The following CDH12 variants were observed in gnomAD, a reference collection of about 807,000 sequenced individuals.
CDH12 encodes cadherin 12.
A neutral mutation model predicts 74.1 loss-of-function variants in CDH12; 41 were observed. That is an observed-to-expected ratio of 0.55 (90% CI 0.43 to 0.72). The LOEUF is 0.72. Ranked by LOEUF, CDH12 falls within the 30% of genes least tolerant of loss-of-function variation. CDH12 has a pLI of 0.00. For missense variants in CDH12, 945 were observed against 977.2 expected, an observed-to-expected ratio of 0.97 and a Z score of 0.44; for synonymous variants, 399 against 355.0, an observed-to-expected ratio of 1.12 and a Z score of -1.39.
Position 21,889,937 on chromosome 5 carries a change from G to A in CDH12, c.527-35147C>T, listed in dbSNP as rs371831663. 2.3e-5 allele frequency: 16 copies of A among 688,916 alleles called. No individual in the cohort carries two copies. In the East Asian group the frequency reaches 1.2e-3, roughly 52 times the overall value. 42.7% of individuals were successfully genotyped at this position (688,916 alleles called of 1,614,324 possible). A position where few individuals can be genotyped will look rare whatever the true frequency, so the allele number is the denominator to read the frequency against. On this transcript the variant is annotated intron_variant, in intron 6 of 14. Coordinates refer to ENST00000382254, the MANE Select transcript of CDH12 (RefSeq NM_004061.5). ...TGACTTTTATTGCTTACAGAATCAG[G>A]TAAAAAAACATCAGCTGTAGTCTAA...
chr5:22,317,415 C>A (rs1204779802), intron 3 of CDH12, among the ~76,000 whole-genome samples: 2 of 151,930 alleles, frequency 1.3e-5, no homozygotes, highest in African/African-American at 4.8e-5. Context: ...ATATATTATG[C>A]ACATATAAAC....
chr5:22,452,014 C>T (rs1745063482), intron 2 of CDH12, among the ~76,000 whole-genome samples: 2 of 151,608 alleles, frequency 1.3e-5, no homozygotes, highest in African/African-American at 2.4e-5. Flanking sequence ...TGCATTTAAC[C>T]AATGAGGTGA....
chr5:22,442,684 T>C (rs1241308541), intron 2 of CDH12, among the ~76,000 whole-genome samples: 3 of 152,012 alleles, frequency 2.0e-5, no homozygotes, highest in African/African-American at 7.2e-5. Context: ...GGAAAGATAG[T>C]TGAGAGGATG....
intron 1 of CDH12, among the ~76,000 whole-genome samples, chr5:22,614,336 G>A (rs74984874): frequency 0.024 from 3,611 of 152,168 alleles, 159 homozygotes; most frequent in East Asian, 0.14. Context: ...TGCACGCTCT[G>A]GGTAAATGCC....
chr5:21,920,667 T>TATAATAATAATAATAATAATA (rs149078574), intron 6 of CDH12, among the ~76,000 whole-genome samples: 32,458 of 145,268 alleles, frequency 0.22, 4,547 homozygotes, highest in Non-Finnish European at 0.29. Context: ...GAACTTAAAG[T>TATAATAATAATAATAATAATA]ATGATAATAA....
At position 22,736,461 on chromosome 5, in the gene CDH12, AT is replaced by A. The variant is rs1221472624; in HGVS notation, c.-523+116596del. Reference sequence around the variant, plus strand: ...TGCCTTTGCTTTTTTTAAGATTCAAATTTTTAACAAAAATATATGCTGTTAA... The same window carrying A: ...TGCCTTTGCTTTTTTTAAGATTCAAATTTTAACAAAAATATATGCTGTTAA... On this transcript the variant is annotated intron_variant, in intron 1 of 14. Coordinates refer to ENST00000382254, the MANE Select transcript of CDH12 (RefSeq NM_004061.5). 5.5e-4 allele frequency among the ~76,000 whole-genome samples: 84 copies of A among 151,854 alleles called. No individual in the cohort carries two copies. In the South Asian group the frequency reaches 0.017, roughly 31 times the overall value.
intron 2 of CDH12, among the ~76,000 whole-genome samples, chr5:22,411,257 T>C (rs1743158145): frequency 6.6e-6 from 1 of 152,030 alleles, no homozygotes; most frequent in Non-Finnish European, 1.5e-5. Context: ...AAATTCTATA[T>C]ACCAATGGAA....
intron 5 of CDH12, among the ~76,000 whole-genome samples, chr5:22,074,104 A>G (rs1345849618): frequency 2.6e-5 from 4 of 152,074 alleles, no homozygotes; most frequent in African/African-American, 9.7e-5. Flanking sequence ...TCCTCAGCCT[A>G]TGCAATGTGA....
intron 6 of CDH12, chr5:21,883,737 A>G: frequency 6.3e-7 from 1 of 1,588,328 alleles, no homozygotes. Context: ...TGTCACAACT[A>G]GTGAATATGA....
intron 1 of CDH12, among the ~76,000 whole-genome samples, chr5:22,676,766 T>G (rs751303390): frequency 1.3e-5 from 2 of 152,168 alleles, no homozygotes; most frequent in Non-Finnish European, 2.9e-5. Flanking sequence ...ATGTTTTATA[T>G]CACAGATTTA....
chr5:21,924,607 A>G (rs913930542), intron 6 of CDH12, among the ~76,000 whole-genome samples: 1 of 152,226 alleles, frequency 6.6e-6, no homozygotes, highest in Admixed American at 6.5e-5. Flanking sequence ...AGTTCTAGTA[A>G]GTCTCAAAAC....
intron 4 of CDH12, among the ~76,000 whole-genome samples, chr5:22,202,046 A>C (rs953142331): frequency 6.6e-6 from 1 of 152,104 alleles, no homozygotes; most frequent in Non-Finnish European, 1.5e-5. Flanking sequence ...GACGGTAAAG[A>C]GAGAAGACAT....
chr5:22,678,048 G>GA (rs1330799220), intron 1 of CDH12, among the ~76,000 whole-genome samples: 1 of 151,668 alleles, frequency 6.6e-6, no homozygotes, highest in East Asian at 1.9e-4. Context: ...TCCTCATGGG[G>GA]GGGGGGGTTA....
At chr5:22,811,138 C>A (rs1016567451) in intron 1 of CDH12, among the ~76,000 whole-genome samples, 11 of 151,210 alleles carry the variant, frequency 7.3e-5, no homozygotes, top group Non-Finnish European at 1.5e-4. Context: ...CACATATATG[C>A]TTCCAAATAT....
intron 4 of CDH12, among the ~76,000 whole-genome samples, chr5:22,147,589 T>TAAA (rs147619864): frequency 7.0e-6 from 1 of 142,690 alleles, no homozygotes; most frequent in Admixed American, 7.1e-5. Flanking sequence ...TAGTTTATCT[T>TAAA]AAAAAAAAAA....
intron 4 of CDH12, among the ~76,000 whole-genome samples, chr5:22,084,155 G>C (rs1451446901): frequency 6.6e-6 from 1 of 152,090 alleles, no homozygotes; most frequent in Non-Finnish European, 1.5e-5. Flanking sequence ...GCACTAAACA[G>C]GTCACCAGGT....
chr5:21,911,167 C>G (rs1396192706), intron 6 of CDH12, among the ~76,000 whole-genome samples: 1 of 152,040 alleles, frequency 6.6e-6, no homozygotes, highest in African/African-American at 2.4e-5. Context: ...TCATTGATGG[C>G]CATTACGTTA....
intron 10 of CDH12, among the ~76,000 whole-genome samples, chr5:21,794,286 T>A (rs1746660394): frequency 6.6e-6 from 1 of 151,806 alleles, no homozygotes; most frequent in Non-Finnish European, 1.5e-5. Flanking sequence ...TGCTTTTTTT[T>A]GTTTTTCATT....
intron 2 of CDH12, among the ~76,000 whole-genome samples, chr5:22,435,389 C>T (rs901763486): frequency 1.3e-5 from 2 of 150,720 alleles, no homozygotes; most frequent in Non-Finnish European, 3.0e-5. Flanking sequence ...TTTAATAACC[C>T]CCATATATAT....
Sources: allele counts gnomAD v4.1 joint callset (sites outside exome capture counted in the v4.1 genomes callset), GRCh38; gene constraint gnomAD v4.1.1; transcripts MANE v1.5; gene names NCBI Gene and HGNC (gene_info 2026-07-23, HGNC 2026-07-21).